The following COPG2 variants were observed in gnomAD, a reference collection of about 807,000 sequenced individuals.
The protein encoded by COPG2 is coatomer subunit gamma-2.
A neutral mutation model predicts 46.3 loss-of-function variants in COPG2; 37 were observed. That is an observed-to-expected ratio of 0.80 (90% CI 0.61 to 1.05). The LOEUF (loss-of-function observed/expected upper bound fraction) is 1.05. COPG2 is among the 50% of genes least tolerant of loss of function. The probability of loss-of-function intolerance (pLI) is 0.00; values close to 1 mark genes in which losing one functional copy is unlikely to be tolerated. For missense variants in COPG2, 427 were observed against 387.8 expected (o/e 1.10, Z -0.85); for synonymous variants, 159 against 129.7 (o/e 1.23, Z -1.53).
intron 5 of COPG2, among the ~76,000 whole-genome samples, chr7:130,646,997 GTGTATATATATA>G (rs1563070230): frequency 2.4e-5 from 1 of 40,982 alleles, no homozygotes; most frequent in Non-Finnish European, 7.9e-5. Context: ...ATATATATAT[GTGTATATATATA>G]TGTATATATA....
intron 9 of COPG2, chr7:130,605,284 G>C: frequency 1.9e-6 from 1 of 519,124 alleles, no homozygotes; most frequent in South Asian, 1.4e-5. Context: ...TTCAGTTATT[G>C]CACTTGCTGG....
chr7:130,507,257 T>G lies in COPG2; in HGVS notation c.2485+17A>C, dbSNP rs373155822. On this transcript the variant is annotated intron_variant, in intron 23 of 23. Transcript: ENST00000425248. ...TTTGCAAGAAAATGGAAGGAAAATC[T>G]GATGGAAGCTTCTTACCTGCCAGAT... 60 of 780,458 alleles carry G rather than the reference T, an allele frequency of 7.7e-5. No homozygotes were observed. The highest frequency in any genetic ancestry group is 1.3e-4 in the Non-Finnish European group (56 of 417,754). The allele number at this position is 780,458 out of a possible 1,614,324, so 48.3% of individuals were successfully genotyped here.
intron 20 of COPG2, among the ~76,000 whole-genome samples, chr7:130,540,878 G>A (rs1420118535): frequency 5.3e-5 from 8 of 152,100 alleles, no homozygotes; most frequent in Non-Finnish European, 1.0e-4. Context: ...TCTGAGGGGT[G>A]AGCAGTGTTC....
chr7:130,605,779 T>C, intron 9 of COPG2: 1 of 519,950 alleles, frequency 1.9e-6, no homozygotes, highest in Non-Finnish European at 3.8e-6. Context: ...TCCACCAACA[T>C]CTTCACTTTA....
chr7:130,566,694 G>A (rs964468912), intron 9 of COPG2, among the ~76,000 whole-genome samples: 18 of 152,228 alleles, frequency 1.2e-4, no homozygotes, highest in East Asian at 1.9e-4. Context: ...CTTGCTGCCC[G>A]GGAGGATGTT....
intron 20 of COPG2, among the ~76,000 whole-genome samples, chr7:130,546,210 G>A (rs1793440924): frequency 6.6e-6 from 1 of 152,194 alleles, no homozygotes; most frequent in African/African-American, 2.4e-5. Flanking sequence ...CTGATGAAGT[G>A]CAGAGTCTCT....
intron 9 of COPG2, among the ~76,000 whole-genome samples, chr7:130,596,600 C>G (rs1554449720): frequency 6.6e-6 from 1 of 152,166 alleles, no homozygotes; most frequent in East Asian, 1.9e-4. Context: ...CCAAGGCAGC[C>G]AGCCAAGGGA....
intron 9 of COPG2, among the ~76,000 whole-genome samples, chr7:130,605,524 C>G (rs1001759618): frequency 6.6e-6 from 1 of 152,172 alleles, no homozygotes; most frequent in Non-Finnish European, 1.5e-5. Flanking sequence ...CAGCTCAACA[C>G]ACTATTGCTG....
intron 5 of COPG2, among the ~76,000 whole-genome samples, chr7:130,627,203 A>T (rs1276369394): frequency 1.3e-5 from 2 of 152,172 alleles, no homozygotes; most frequent in African/African-American, 4.8e-5. Context: ...GTATTTTCTG[A>T]ATTACAACTG....
chr7:130,595,617 T>C (rs1247462756), intron 9 of COPG2, among the ~76,000 whole-genome samples: 1 of 151,910 alleles, frequency 6.6e-6, no homozygotes, highest in Non-Finnish European at 1.5e-5. Context: ...TAGAAGAAAA[T>C]ACTAAATGAA....
At chr7:130,654,870 TG>T (rs1174367350) in intron 4 of COPG2, among the ~76,000 whole-genome samples, 3 of 152,112 alleles carry the variant, frequency 2.0e-5, no homozygotes, top group African/African-American at 7.2e-5. Flanking sequence ...ATCTCTAATT[TG>T]CTATTAACCC....
intron 15 of COPG2, among the ~76,000 whole-genome samples, chr7:130,552,082 T>C (rs994952899): frequency 2.0e-5 from 3 of 152,156 alleles, no homozygotes; most frequent in Non-Finnish European, 2.9e-5. Flanking sequence ...AGAAGCTCTA[T>C]AAATAAGAGT....
chr7:130,508,755 CA>C (rs1327162526), intron 20 of COPG2, 96 bp from the exon 21 acceptor site: 2 of 645,798 alleles, frequency 3.1e-6, no homozygotes, highest in African/African-American at 3.6e-5. Flanking sequence ...CCACATTTTC[CA>C]GTTAAACACA....
At chr7:130,528,213 G>C (rs1232356509) in intron 20 of COPG2, among the ~76,000 whole-genome samples, 1 of 152,102 alleles carries the variant, frequency 6.6e-6, no homozygotes, top group African/African-American at 2.4e-5. Flanking sequence ...TGGGCAGGTG[G>C]AGTGGGGACA....
intron 5 of COPG2, among the ~76,000 whole-genome samples, chr7:130,634,969 ATGTGGTTTTT>A: frequency 6.6e-6 from 1 of 151,348 alleles, no homozygotes; most frequent in Middle Eastern, 3.4e-3. Context: ...TGAGATAATC[ATGTGGTTTTT>A]GTCATTGGCT....
chr7:130,663,730 C>CTTTTT (rs71178602), intron 3 of COPG2, among the ~76,000 whole-genome samples: 218 of 67,172 alleles, frequency 3.2e-3, no homozygotes, highest in Non-Finnish European at 3.9e-3. Flanking sequence ...CATTTCTTTT[C>CTTTTT]TTTTTTTTTT....
At chr7:130,530,146 A>G (rs1799810359) in intron 20 of COPG2, among the ~76,000 whole-genome samples, 1 of 152,068 alleles carries the variant, frequency 6.6e-6, no homozygotes, top group African/African-American at 2.4e-5. Context: ...GACCTGTGTA[A>G]GAAGAAGTCT....
chr7:130,590,398 G>A (rs1408430324), intron 9 of COPG2, among the ~76,000 whole-genome samples: 3 of 152,242 alleles, frequency 2.0e-5, no homozygotes, highest in Non-Finnish European at 4.4e-5. Flanking sequence ...TGCGACTGCA[G>A]GTGCGCGCCG....
At chr7:130,531,101 G>T (rs1203411724) in intron 20 of COPG2, among the ~76,000 whole-genome samples, 1 of 140,988 alleles carries the variant, frequency 7.1e-6, no homozygotes, top group Admixed American at 7.2e-5. Context: ...GTCTGGGTTG[G>T]GGATGGGGTT....
Sources: allele counts gnomAD v4.1 joint callset (sites outside exome capture counted in the v4.1 genomes callset), GRCh38; gene constraint gnomAD v4.1.1; transcripts MANE v1.5; gene names NCBI Gene and HGNC (gene_info 2026-07-23, HGNC 2026-07-21).